The following SLC4A4 variants were observed in gnomAD, a reference collection of about 807,000 sequenced individuals.
SLC4A4 encodes the protein solute carrier family 4 member 4, also known as electrogenic sodium bicarbonate cotransporter 1.
SLC4A4 carries 27 observed loss-of-function variants against 111.5 expected under a neutral mutation model. The observed-to-expected ratio is 0.24, with a 90% CI of 0.18 to 0.33. The LOEUF is 0.33. SLC4A4 is among the 10% of genes least tolerant of loss of function. SLC4A4 has a pLI of 1.00. For missense variants in SLC4A4, 909 were observed against 1,315.5 expected (o/e 0.69, Z 4.78); for synonymous variants, 443 against 463.4 (o/e 0.96, Z 0.57).
chr4:71,366,313 TA>T (rs1475731650), intron 6 of SLC4A4, among the ~76,000 whole-genome samples: 1 of 62,286 alleles, frequency 1.6e-5, no homozygotes, highest in South Asian at 4.6e-4. Context: ...TTTCTGGAGA[TA>T]TTGTGTGTGT....
At chr4:71,475,701 G>T (rs1450271083) in intron 14 of SLC4A4, among the ~76,000 whole-genome samples, 1 of 151,874 alleles carries the variant, frequency 6.6e-6, no homozygotes, top group Non-Finnish European at 1.5e-5. Context: ...TTTTCCCAAG[G>T]TATATTAGCC....
intron 5 of SLC4A4, among the ~76,000 whole-genome samples, chr4:71,350,886 C>CCCTA (rs1453970549): frequency 6.6e-6 from 1 of 152,158 alleles, no homozygotes; most frequent in Non-Finnish European, 1.5e-5. Context: ...GTGCAGCCAT[C>CCCTA]CCTACAGGTC....
intron 1 of SLC4A4, among the ~76,000 whole-genome samples, chr4:71,230,456 T>G (rs1719342888): frequency 6.6e-6 from 1 of 152,204 alleles, no homozygotes; most frequent in African/African-American, 2.4e-5. Context: ...AAAGAACTGT[T>G]TAAACATTGG....
At chr4:71,140,043 A>G (rs551262719) in intron 2 of SLC4A4, among the ~76,000 whole-genome samples, 10 of 152,082 alleles carry the variant, frequency 6.6e-5, no homozygotes, top group Non-Finnish European at 1.5e-4. Context: ...TTCTCTTTCC[A>G]GCTTCTCCCT....
At chr4:71,207,774 T>C (rs933435376) in intron 1 of SLC4A4, among the ~76,000 whole-genome samples, 2 of 152,238 alleles carry the variant, frequency 1.3e-5, no homozygotes, top group Admixed American at 1.3e-4. Context: ...TTTTTTCCTC[T>C]TTATTTTCAT....
chr4:71,492,432 A>G (rs1018156231), intron 15 of SLC4A4, among the ~76,000 whole-genome samples: 2 of 151,958 alleles, frequency 1.3e-5, no homozygotes, highest in African/African-American at 2.4e-5. Flanking sequence ...GATATCTCAA[A>G]AAATAGATTG....
intron 3 of SLC4A4, among the ~76,000 whole-genome samples, chr4:71,292,023 C>T (rs1330176837): frequency 1.3e-5 from 2 of 151,596 alleles, no homozygotes; most frequent in Admixed American, 6.6e-5. Context: ...TCCAGTCATA[C>T]TCTTTTAGTT....
intron 20 of SLC4A4, among the ~76,000 whole-genome samples, chr4:71,548,509 AT>A (rs374604310): frequency 6.6e-6 from 1 of 151,730 alleles, no homozygotes; most frequent in Non-Finnish European, 1.5e-5. Context: ...CAAACATTTT[AT>A]TTTTTTCAAT....
chr4:71,087,584 C>T lies in SLC4A4; in HGVS notation c.-64-5146C>T, dbSNP rs555454077. Among the ~76,000 whole-genome samples, 4 of 152,126 alleles carry T rather than the reference C, an allele frequency of 2.6e-5. No homozygotes were observed. The East Asian group carries it at 7.7e-4, about 29-fold the overall frequency. On this transcript the variant is annotated intron_variant, in intron 1 of 26. Coordinates refer to the SLC4A4 transcript ENST00000649996. Reference sequence around the variant, plus strand: ...CCTACACACTGCTTTGAATGTGTCCCAGAGATTCTGGTATGTTGTGTCTTT... The same window carrying T: ...CCTACACACTGCTTTGAATGTGTCCTAGAGATTCTGGTATGTTGTGTCTTT...
intron 3 of SLC4A4, among the ~76,000 whole-genome samples, chr4:71,315,531 T>C (rs1050153524): frequency 7.9e-5 from 12 of 152,116 alleles, no homozygotes; most frequent in Admixed American, 5.9e-4. Flanking sequence ...CCTTTTTCAA[T>C]AGAGGCAGAG....
chr4:71,280,954 T>A (rs1723467163), intron 3 of SLC4A4, among the ~76,000 whole-genome samples: 1 of 151,988 alleles, frequency 6.6e-6, no homozygotes, highest in African/African-American at 2.4e-5. Flanking sequence ...TGTTGCCCAC[T>A]TTTTTTTAGA....
At chr4:71,173,080 T>C (rs376757424) in intron 2 of SLC4A4, among the ~76,000 whole-genome samples, 1 of 152,128 alleles carries the variant, frequency 6.6e-6, no homozygotes, top group East Asian at 1.9e-4. Context: ...GTGCACCCCA[T>C]AGGAAGGACT....
At chr4:71,370,758 G>T (rs1002927880) in intron 6 of SLC4A4, among the ~76,000 whole-genome samples, 2 of 152,060 alleles carry the variant, frequency 1.3e-5, no homozygotes, top group African/African-American at 4.8e-5. Flanking sequence ...ATTTTTTTAA[G>T]TTTCATTTAT....
chr4:71,444,873 G>A (rs1725080903), intron 8 of SLC4A4, among the ~76,000 whole-genome samples: 1 of 152,108 alleles, frequency 6.6e-6, no homozygotes, highest in South Asian at 2.1e-4. Context: ...TGCTGCTTAT[G>A]AATGCTTGGA....
At position 71,236,644 on chromosome 4, in the gene SLC4A4, T is replaced by C. The variant is rs1719834362; in HGVS notation, c.68T>C (p.Val23Ala). The change falls in exon 2 of 26, where the codon GTA becomes GCA. Residue 23 changes from valine (V) to alanine (A), a missense_variant. Physicochemically the swap from Val to Ala is moderately conservative, Grantham distance 64. Around this residue, in one of 7 missense-constraint regions of SLC4A4, gnomAD observed 117 missense variants for 154.2 expected, o/e 0.76. Coordinates refer to ENST00000264485, the MANE Select transcript of SLC4A4 (RefSeq NM_001098484.3). ...AAGCATGTGTGTGATGAAGAAGAAG[T>C]AGAAGGTGAGCTTTATGGGTCTGGG... ...FLKHVCDEEEVEGHHTIYIGV... is the reference protein window; with the variant it reads ...FLKHVCDEEEAEGHHTIYIGV... 6.2e-7 allele frequency: 1 copy of C among 1,613,306 alleles called. No homozygotes were observed. Among genetic ancestry groups the C allele is most frequent in the African/African-American group, 1.3e-5 (1 of 74,904 alleles).
intron 3 of SLC4A4, among the ~76,000 whole-genome samples, chr4:71,257,623 G>C (rs1721550086): frequency 6.6e-6 from 1 of 152,134 alleles, no homozygotes; most frequent in East Asian, 1.9e-4. Flanking sequence ...TGAAATACTT[G>C]CCTACTATAC....
Position 71,450,345 on chromosome 4 carries a change from C to T in SLC4A4, c.1054-44C>T, listed in dbSNP as rs200988627. On this transcript the variant is annotated intron_variant, in intron 9 of 25. Transcript: ENST00000264485. The stretch of plus-strand genomic sequence containing the variant: ...GGCTTGATATGGTGTGAAGCATGTA[C>T]AGAGTTATCTTTTTGGATGAGCACA... 115 of 1,394,730 alleles carry T rather than the reference C, an allele frequency of 8.2e-5. No individual in the cohort carries two copies. In the African/African-American group the frequency reaches 1.4e-3, roughly 18 times the overall value. The allele number at this position is 1,394,730 out of a possible 1,614,324, so 86.4% of individuals were successfully genotyped here.
At chr4:71,533,309 A>G (rs114527136) in intron 17 of SLC4A4, among the ~76,000 whole-genome samples, 183 of 152,284 alleles carry the variant, frequency 1.2e-3, no homozygotes, top group African/African-American at 4.2e-3. Flanking sequence ...GATGAGTAAG[A>G]CAAATTTTTT....
intron 15 of SLC4A4, among the ~76,000 whole-genome samples, chr4:71,496,233 T>C (rs1046181729): frequency 6.6e-6 from 1 of 152,038 alleles, no homozygotes; most frequent in Non-Finnish European, 1.5e-5. Flanking sequence ...TTCTTAGGCT[T>C]AGAGGCCATT....
Sources: allele counts gnomAD v4.1 joint callset (sites outside exome capture counted in the v4.1 genomes callset), GRCh38; gene constraint gnomAD v4.1.1; regional missense constraint gnomAD v4.1.1; transcripts MANE v1.5; gene names NCBI Gene and HGNC (gene_info 2026-07-23, HGNC 2026-07-21).